Variants in TENM3 observed in about 807,000 individuals in gnomAD.
TENM3 encodes teneurin-3.
Under a neutral mutation model 255.1 loss-of-function variants are expected in TENM3, and 63 were observed. That is an observed-to-expected ratio of 0.25 (90% CI 0.20 to 0.30). The LOEUF is 0.30. Ranked by LOEUF, TENM3 falls within the 10% of genes least tolerant of loss-of-function variation. The pLI is 1.00. For synonymous variants in TENM3, 1,306 were observed against 1,322.3 expected, an observed-to-expected ratio of 0.99 and a Z score of 0.27; for missense variants, 2,929 against 3,461.1, an observed-to-expected ratio of 0.85 and a Z score of 3.86.
chr4:182,577,602 A>C (rs1677517863), intron 3 of TENM3, among the ~76,000 whole-genome samples: 1 of 152,228 alleles, frequency 6.6e-6, no homozygotes. Context: ...AGGAGACTGC[A>C]GTGGTTATTT....
intron 3 of TENM3, among the ~76,000 whole-genome samples, chr4:182,369,593 G>C (rs568843724): frequency 2.0e-5 from 3 of 152,132 alleles, no homozygotes; most frequent in Non-Finnish European, 2.9e-5. Context: ...TATATTAAAA[G>C]TTTCTGGCCA....
chr4:181,454,691 T>TTTTTTTTTTTACCATTTTTATA, the TENM3 span, among the ~76,000 whole-genome samples: 2 of 150,136 alleles, frequency 1.3e-5, no homozygotes, highest in East Asian at 2.0e-4. Context: ...ACTTTTTTTT[T>TTTTTTTTTTTACCATTTTTATA]CTGGTGTGCC....
the TENM3 span, among the ~76,000 whole-genome samples, chr4:181,796,153 C>A: frequency 9.9e-5 from 15 of 152,088 alleles, no homozygotes; most frequent in Admixed American, 2.6e-4. Context: ...GGAGGAGGAG[C>A]GTAATAGTAT....
the TENM3 span, among the ~76,000 whole-genome samples, chr4:181,844,060 G>A: frequency 5.1e-4 from 77 of 152,064 alleles, no homozygotes; most frequent in African/African-American, 1.7e-3. Context: ...GGTGGAAGGC[G>A]GAAGGGCAAA....
At chr4:182,794,138 T>C (rs1766316614) in intron 26 of TENM3, among the ~76,000 whole-genome samples, 4 of 152,162 alleles carry the variant, frequency 2.6e-5, no homozygotes, top group Admixed American at 2.0e-4. Flanking sequence ...TACTCAGTCA[T>C]TTAAAGAAGG....
intron 1 of TENM3, among the ~76,000 whole-genome samples, chr4:182,153,505 G>A (rs771412718): frequency 1.1e-4 from 16 of 152,038 alleles, no homozygotes; most frequent in Non-Finnish European, 1.8e-4. Context: ...AGGAACTTCG[G>A]TCAACCATCA....
At chr4:182,681,688 A>C in intron 10 of TENM3, 126 bp from the exon 11 acceptor site, 1 of 702,150 alleles carries the variant, frequency 1.4e-6, no homozygotes, top group Non-Finnish European at 2.4e-6. Context: ...CAAGTTCTTG[A>C]AAATGGTAGA....
chr4:182,382,160 C>G (rs1242505343), intron 3 of TENM3, among the ~76,000 whole-genome samples: 1 of 152,114 alleles, frequency 6.6e-6, no homozygotes, highest in African/African-American at 2.4e-5. Context: ...AAGATAAGAT[C>G]ATATTGAGAT....
At chr4:181,964,708 C>A in the TENM3 span, among the ~76,000 whole-genome samples, 1 of 152,060 alleles carries the variant, frequency 6.6e-6, no homozygotes, top group Non-Finnish European at 1.5e-5. Context: ...ATATCATCAA[C>A]ATGGGACAAG....
At chr4:182,187,265 TC>T (rs1753222207) in intron 1 of TENM3, among the ~76,000 whole-genome samples, 1 of 152,190 alleles carries the variant, frequency 6.6e-6, no homozygotes, top group Non-Finnish European at 1.5e-5. Context: ...CTAGTTCTTT[TC>T]TTAAATGTAT....
the TENM3 span, among the ~76,000 whole-genome samples, chr4:181,612,224 T>A: frequency 6.6e-6 from 1 of 152,214 alleles, no homozygotes; most frequent in Non-Finnish European, 1.5e-5. Flanking sequence ...GCTCTATAAT[T>A]ACTTTCATTT....
chr4:182,220,089 C>G (rs1233893884), intron 1 of TENM3, among the ~76,000 whole-genome samples: 1 of 152,008 alleles, frequency 6.6e-6, no homozygotes, highest in Non-Finnish European at 1.5e-5. Flanking sequence ...GAAAAGTCAG[C>G]TTTATGGCCA....
chr4:181,482,064 C>T, the TENM3 span, among the ~76,000 whole-genome samples: 1 of 151,980 alleles, frequency 6.6e-6, no homozygotes. Context: ...GATCAACTGC[C>T]TTCACATTAT....
At chr4:181,752,099 T>A in the TENM3 span, among the ~76,000 whole-genome samples, 1 of 152,176 alleles carries the variant, frequency 6.6e-6, no homozygotes, top group Non-Finnish European at 1.5e-5. Context: ...ATTCCTAATT[T>A]CTGTTTTATA....
At chr4:181,494,841 T>C in the TENM3 span, among the ~76,000 whole-genome samples, 1 of 152,158 alleles carries the variant, frequency 6.6e-6, no homozygotes. Context: ...TTAAAATTCA[T>C]TAATAGGTCC....
chr4:181,935,417 G>C, the TENM3 span, among the ~76,000 whole-genome samples: 1 of 152,246 alleles, frequency 6.6e-6, no homozygotes, highest in Non-Finnish European at 1.5e-5. Flanking sequence ...TTCTTTTGCA[G>C]AAACTCTCAT....
At chr4:182,597,695 C>T (rs185621538) in intron 3 of TENM3, among the ~76,000 whole-genome samples, 9 of 152,220 alleles carry the variant, frequency 5.9e-5, no homozygotes, top group Non-Finnish European at 1.2e-4. Flanking sequence ...TGTATTCTAT[C>T]TTTATTTTTG....
the TENM3 span, among the ~76,000 whole-genome samples, chr4:181,829,413 T>A: frequency 6.6e-6 from 1 of 152,208 alleles, no homozygotes; most frequent in Non-Finnish European, 1.5e-5. Context: ...TTAAAGGGGA[T>A]GACCTGCTGT....
chr4:182,511,499 A>G (rs957565090), intron 3 of TENM3, among the ~76,000 whole-genome samples: 3 of 152,296 alleles, frequency 2.0e-5, no homozygotes, highest in East Asian at 3.9e-4. Context: ...GTCTGCTTCA[A>G]CTAAAAAGAT....
Sources: allele counts gnomAD v4.1 joint callset (sites outside exome capture counted in the v4.1 genomes callset), GRCh38; gene constraint gnomAD v4.1.1; transcripts MANE v1.5; gene names NCBI Gene and HGNC (gene_info 2026-07-23, HGNC 2026-07-21).